Variants in SUMF1 observed in about 807,000 individuals in gnomAD.
SUMF1 encodes the protein sulfatase modifying factor 1.
Under a neutral mutation model 47.6 loss-of-function variants are expected in SUMF1, and 48 were observed. The observed-to-expected ratio is 1.01, with a 90% CI of 0.80 to 1.28. The LOEUF (loss-of-function observed/expected upper bound fraction) is 1.28. Ranked by LOEUF, SUMF1 falls within the 50% of genes most tolerant of loss-of-function variation. The pLI, the probability that SUMF1 is intolerant of heterozygous loss-of-function variation, is 0.00. For synonymous variants in SUMF1, 230 were observed against 192.1 expected, an observed-to-expected ratio of 1.20 and a Z score of -1.63; for missense variants, 571 against 485.4, an observed-to-expected ratio of 1.18 and a Z score of -1.66.
At chr3:4,203,622 ATGT>A (rs1695586361) in intron 8 of SUMF1, among the ~76,000 whole-genome samples, 1 of 151,712 alleles carries the variant, frequency 6.6e-6, no homozygotes, top group African/African-American at 2.4e-5. Context: ...TTCTCCTGTC[ATGT>A]TGTTATTTGT....
At chr3:4,211,943 G>C (rs1695808137) in intron 8 of SUMF1, among the ~76,000 whole-genome samples, 1 of 152,192 alleles carries the variant, frequency 6.6e-6, no homozygotes, top group Admixed American at 6.5e-5. Flanking sequence ...GGGACTTACA[G>C]ATAAAACCCC....
At chr3:4,174,036 A>G (rs934094006) in intron 8 of SUMF1, among the ~76,000 whole-genome samples, 2 of 152,244 alleles carry the variant, frequency 1.3e-5, no homozygotes, top group South Asian at 4.1e-4. Context: ...GAATCATGTA[A>G]TTAGCTAGTA....
At chr3:4,439,610 AG>A (rs1279138522) in intron 3 of SUMF1, among the ~76,000 whole-genome samples, 1 of 152,180 alleles carries the variant, frequency 6.6e-6, no homozygotes, top group African/African-American at 2.4e-5. Flanking sequence ...TCTCACTCAA[AG>A]GCTATCTTTT....
chr3:4,209,849 G>C (rs1286338664), intron 8 of SUMF1, among the ~76,000 whole-genome samples: 3 of 152,110 alleles, frequency 2.0e-5, no homozygotes, highest in Admixed American at 2.0e-4. Context: ...ATTGCTGAGA[G>C]AAATTAAAGA....
chr3:4,122,493 C>A (rs899544960), intron 8 of SUMF1, among the ~76,000 whole-genome samples: 1 of 152,024 alleles, frequency 6.6e-6, no homozygotes, highest in Non-Finnish European at 1.5e-5. Context: ...AGTGGTTTTA[C>A]AACAGTGTGA....
At chr3:4,426,779 C>G (rs1702082170) in intron 3 of SUMF1, among the ~76,000 whole-genome samples, 1 of 152,176 alleles carries the variant, frequency 6.6e-6, no homozygotes, top group African/African-American at 2.4e-5. Flanking sequence ...TACACATTCT[C>G]TGCTCAACTG....
intron 8 of SUMF1, among the ~76,000 whole-genome samples, chr3:4,150,129 G>GTCTC (rs35936512): frequency 0.73 from 110,938 of 151,302 alleles, 40,882 homozygotes; most frequent in Admixed American, 0.8. Context: ...GTCAAGGTCT[G>GTCTC]TGTCTCCCAG....
At chr3:4,216,579 G>T (rs1695929792) in intron 8 of SUMF1, among the ~76,000 whole-genome samples, 1 of 151,986 alleles carries the variant, frequency 6.6e-6, no homozygotes, top group African/African-American at 2.4e-5. Context: ...CACAGCAAAA[G>T]AAACTATCAT....
intron 8 of SUMF1, among the ~76,000 whole-genome samples, chr3:4,165,285 T>G (rs1166464744): frequency 6.6e-6 from 1 of 152,090 alleles, no homozygotes; most frequent in African/African-American, 2.4e-5. Flanking sequence ...CAGGTCTACC[T>G]TGATCTGCTT....
In SUMF1 at chr3:4,173,548, T is replaced by C. The variant is rs190166174; in HGVS notation, c.1015-104803A>G. Among the ~76,000 whole-genome samples the C allele has an allele frequency of 1.1e-3, 163 of 152,330 alleles. 1 individual carries two copies. The highest frequency in any genetic ancestry group is 6.1e-3 in the Admixed American group (93 of 15,302). Reference sequence around the variant, plus strand: ...TAATGGGTATACACCCAAAGGGTTATAAATCATTCTGCTATAAAGACATAT... The same window carrying C: ...TAATGGGTATACACCCAAAGGGTTACAAATCATTCTGCTATAAAGACATAT... On this transcript the variant is annotated intron_variant and NMD_transcript_variant, in intron 8 of 12. Transcript: ENST00000448413.
chr3:4,412,695 C>T (rs1206625957), intron 6 of SUMF1, among the ~76,000 whole-genome samples: 1 of 152,068 alleles, frequency 6.6e-6, no homozygotes, highest in Admixed American at 6.6e-5. Context: ...ACTAGCCTGG[C>T]CAACATGGTC....
At chr3:4,109,388 T>C (rs1475377923) in intron 8 of SUMF1, among the ~76,000 whole-genome samples, 1 of 152,126 alleles carries the variant, frequency 6.6e-6, no homozygotes, top group Non-Finnish European at 1.5e-5. Flanking sequence ...TTGGTGAATC[T>C]GACAATTATG....
intron 3 of SUMF1, among the ~76,000 whole-genome samples, chr3:4,445,064 T>C (rs758490148): frequency 6.6e-6 from 1 of 152,216 alleles, no homozygotes; most frequent in Non-Finnish European, 1.5e-5. Flanking sequence ...GGGCATGTGG[T>C]TTCTTTTAGG....
At chr3:4,387,252 AT>A (rs1236665965) in intron 7 of SUMF1, among the ~76,000 whole-genome samples, 2 of 152,010 alleles carry the variant, frequency 1.3e-5, no homozygotes, top group Non-Finnish European at 2.9e-5. Flanking sequence ...AAGTTTTAAA[AT>A]TTCTAATTCT....
intron 8 of SUMF1, among the ~76,000 whole-genome samples, chr3:4,156,393 T>C (rs1306119969): frequency 1.3e-5 from 2 of 151,676 alleles, no homozygotes; most frequent in Non-Finnish European, 1.5e-5. Flanking sequence ...GTTATCTATA[T>C]TTGCTAGAAT....
At chr3:4,040,834 G>A (rs932396260) in intron 9 of SUMF1, among the ~76,000 whole-genome samples, 1 of 152,148 alleles carries the variant, frequency 6.6e-6, no homozygotes, top group African/African-American at 2.4e-5. Flanking sequence ...TCAGTTTGGG[G>A]TGTGAAACAT....
At chr3:4,043,324 A>C (rs1201570598) in intron 9 of SUMF1, among the ~76,000 whole-genome samples, 1 of 152,106 alleles carries the variant, frequency 6.6e-6, no homozygotes, top group Non-Finnish European at 1.5e-5. Context: ...TGTACCTTTA[A>C]ATTGTATATC....
chr3:4,065,210 T>C (rs1336745702), intron 9 of SUMF1, among the ~76,000 whole-genome samples: 1 of 151,368 alleles, frequency 6.6e-6, no homozygotes, highest in Non-Finnish European at 1.5e-5. Context: ...AGATGCTTTT[T>C]CTCACTGCTT....
At chr3:4,366,663 T>G (rs1057124963) in intron 8 of SUMF1, among the ~76,000 whole-genome samples, 12 of 152,276 alleles carry the variant, frequency 7.9e-5, no homozygotes, top group African/African-American at 2.6e-4. Context: ...TGGTTTGAAT[T>G]TCCTCCTGTA....
Sources: gnomAD v4.1 joint callset for allele counts (sites outside exome capture counted in the v4.1 genomes callset) on GRCh38, gnomAD v4.1.1 for gene constraint, MANE v1.5 for transcripts, NCBI Gene and HGNC (gene_info 2026-07-23, HGNC 2026-07-21) for gene names.